Variants in OBI1 observed in about 807,000 individuals in gnomAD.
OBI1 encodes ORC ubiquitin ligase 1.
Under a neutral mutation model 62.4 loss-of-function variants are expected in OBI1, and 59 were observed. The observed-to-expected ratio is 0.95, with a 90% CI of 0.77 to 1.17. The LOEUF (loss-of-function observed/expected upper bound fraction) is 1.17. Among genes scored for constraint, OBI1 ranks in the 50% most tolerant of loss-of-function variants. The pLI, the probability that OBI1 is intolerant of heterozygous loss-of-function variation, is 0.00. For synonymous variants in OBI1, 302 were observed against 292.8 expected (o/e 1.03, Z -0.32); for missense variants, 875 against 830.9 (o/e 1.05, Z -0.65).
chr13:78,652,810 C>T (rs1358445110), intron 1 of OBI1, among the ~76,000 whole-genome samples: 1 of 152,108 alleles, frequency 6.6e-6, no homozygotes, highest in African/African-American at 2.4e-5. Flanking sequence ...TATCTCACTC[C>T]CTGCTCGCCT....
intron 5 of OBI1, among the ~76,000 whole-genome samples, chr13:78,628,104 A>C (rs937378482): frequency 2.0e-5 from 3 of 152,216 alleles, no homozygotes; most frequent in South Asian, 2.1e-4. Flanking sequence ...TGAAGACAAT[A>C]CTATAATATT....
At position 78,617,013 on chromosome 13, in the gene OBI1, G is replaced by C; in HGVS notation, c.748C>G (p.Leu250Val). 1 of 1,614,144 alleles carries C rather than the reference G, an allele frequency of 6.2e-7. No individual in the cohort carries two copies. ...TTTAGCTGTGCAACTTGAGATTCTA[G>C]TTCCTCTATATACTTATCACTTCGT... ...LERSDKYIEE[L>V]ESQVAQLKNS... The change falls in exon 6 of 6, where the codon CTA (leucine) becomes GTA (valine). Residue 250 changes from leucine (L) to valine (V), a missense_variant. By Grantham distance (32) the Leu-to-Val change is conservative. Coordinates refer to ENST00000282003, the MANE Select transcript of OBI1 (RefSeq NM_024546.4).
intron 1 of OBI1, among the ~76,000 whole-genome samples, chr13:78,651,719 ACT>A (rs1876549824): frequency 6.6e-6 from 1 of 152,078 alleles, no homozygotes. Context: ...TTGATAGGGC[ACT>A]CTCTGTTCAT....
At chr13:78,648,279 A>AACACACACACACACAC (rs3064402) in intron 1 of OBI1, among the ~76,000 whole-genome samples, 40 of 146,782 alleles carry the variant, frequency 2.7e-4, no homozygotes, top group African/African-American at 9.1e-4. Flanking sequence ...ACTTCCCCCA[A>AACACACACACACACAC]ACACACACAC....
At chr13:78,624,522 C>A (rs1413170739) in intron 5 of OBI1, among the ~76,000 whole-genome samples, 1 of 152,110 alleles carries the variant, frequency 6.6e-6, no homozygotes, top group Non-Finnish European at 1.5e-5. Context: ...GACTGGAGTA[C>A]AGTGGCATGA....
Position 78,615,787 on chromosome 13 carries a change from A to G in OBI1, c.1974T>C (p.Ser658=). ...TTTGATCTTCAAATAGTCGATGTGAACTGCTTAACAAAATGCCCTGGGAAA... is the reference window on the plus strand; with the variant it reads ...TTTGATCTTCAAATAGTCGATGTGAGCTGCTTAACAAAATGCCCTGGGAAA... The part of the protein sequence containing the change: ...TEFSQGILLS[S]SHRLFEDQRF... Residue 658 remains serine, a synonymous_variant, in exon 6 of 6, where the codon AGT becomes AGC. Coordinates refer to ENST00000282003, the MANE Select transcript of OBI1 (RefSeq NM_024546.4). 6.2e-7 allele frequency: 1 copy of G among 1,613,848 alleles called. No homozygotes were observed. Among genetic ancestry groups the G allele is most frequent in the Non-Finnish European group, 8.5e-7 (1 of 1,179,936 alleles).
At chr13:78,637,246 C>A (rs1876057892) in intron 4 of OBI1, among the ~76,000 whole-genome samples, 1 of 152,142 alleles carries the variant, frequency 6.6e-6, no homozygotes, top group African/African-American at 2.4e-5. Flanking sequence ...TGTTATTACT[C>A]CACACTTTAG....
At position 78,642,222 on chromosome 13, in the gene OBI1, A is replaced by G. The variant is rs753195106; in HGVS notation, c.209-9T>C. 1.2e-3 allele frequency: 507 copies of G among 417,172 alleles called. No homozygotes were observed. The highest frequency in any genetic ancestry group is 1.6e-3 in the Non-Finnish European group (467 of 291,428). The allele number at this position is 417,172 out of a possible 1,614,324, so 25.8% of individuals were successfully genotyped here. On this transcript the variant is annotated splice_polypyrimidine_tract_variant and intron_variant, in intron 2 of 5. Transcript: ENST00000282003. ...ACTTTCACTTGTTCCTCCTGTAGGG[A>G]AAAAAAAAAAAATCCTAATTTTTCA... is the stretch of plus-strand genomic sequence containing the variant.
At position 78,659,117 on chromosome 13, in the gene OBI1, C is replaced by G. The variant is rs758260793; in HGVS notation, c.4G>C (p.Ala2Pro). 8 of 1,610,950 alleles carry G rather than the reference C, an allele frequency of 5.0e-6. No homozygotes were observed. The highest frequency in any genetic ancestry group is 2.2e-5 in the South Asian group (2 of 90,672). M[A>P]QTVQNVTLSL... ...AATGTAACATTCTGCACGGTCTGAGCCATGGCAGCGTTCAGAATCCCGCCA... is the reference window on the plus strand; with the variant it reads ...AATGTAACATTCTGCACGGTCTGAGGCATGGCAGCGTTCAGAATCCCGCCA... Residue 2 changes from alanine to proline, a missense_variant, in exon 1 of 6, where the codon GCT (alanine) becomes CCT (proline). Coordinates refer to ENST00000282003, the MANE Select transcript of OBI1 (RefSeq NM_024546.4).
At chr13:78,625,043 C>T (rs1055613275) in intron 5 of OBI1, among the ~76,000 whole-genome samples, 15 of 152,176 alleles carry the variant, frequency 9.9e-5, no homozygotes, top group Non-Finnish European at 2.1e-4. Flanking sequence ...ACAAATATAT[C>T]TCATTTTGAT....
Position 78,614,454 on chromosome 13 carries a change from T to G in OBI1, c.*1126A>C, listed in dbSNP as rs1231366460. 1 of 152,638 alleles carries G rather than the reference T, an allele frequency of 6.6e-6. No homozygotes were observed. Among genetic ancestry groups the G allele is most frequent in the Non-Finnish European group, 1.5e-5 (1 of 68,046 alleles). 9.5% of individuals were successfully genotyped at this position (152,638 alleles called of 1,614,324 possible). A position where few individuals can be genotyped will look rare whatever the true frequency, so the allele number is the denominator to read the frequency against. ...CCAAATACGTTTAGAACAATACACT[T>G]TTTCAGAGCCTAAATTAAAAATTGT... On this transcript the variant is annotated 3_prime_UTR_variant, in exon 6 of 6. Transcript: ENST00000282003.
intron 2 of OBI1, 28 bp downstream of exon 2, chr13:78,644,834 C>A (rs1435862280): frequency 1.2e-6 from 2 of 1,605,256 alleles, no homozygotes; most frequent in South Asian, 1.1e-5. Context: ...CAAACCTATT[C>A]CTATGCATAT....
chr13:78,621,024 G>T (rs139031739), intron 5 of OBI1, among the ~76,000 whole-genome samples: 257 of 152,294 alleles, frequency 1.7e-3, no homozygotes, highest in Middle Eastern at 3.4e-3. Flanking sequence ...AGGAACAAGG[G>T]GGACATTGGG....
chr13:78,626,175 A>T (rs1041548262), intron 5 of OBI1, among the ~76,000 whole-genome samples: 6 of 152,234 alleles, frequency 3.9e-5, no homozygotes, highest in African/African-American at 1.4e-4. Context: ...AATCTCTGGC[A>T]TAACTTAAAG....
chr13:78,644,080 T>C (rs78381395), intron 2 of OBI1, among the ~76,000 whole-genome samples: 14,359 of 152,154 alleles, frequency 0.094, 763 homozygotes, highest in Middle Eastern at 0.18. Context: ...TAATGTGACA[T>C]AGAATTTGTT....
chr13:78,627,738 T>C (rs965421004), intron 5 of OBI1, among the ~76,000 whole-genome samples: 2 of 152,248 alleles, frequency 1.3e-5, no homozygotes, highest in African/African-American at 2.4e-5. Flanking sequence ...AATAAACATA[T>C]GCAAGCATGT....
rs1446166999 is a variant in OBI1 at position 78,616,748 on chromosome 13, C to A, written c.1013G>T (p.Cys338Phe). ...TTGATATAGGTCTTTGTTCTTAGAA[C>A]AGTTAAGGTCTGCTTTGCTGGTACT... is the stretch of plus-strand genomic sequence containing the variant. ...QESTSKADLN[C>F]SKNKDLYQEQ... is the part of the protein sequence containing the mutation. The change falls in exon 6 of 6, where the codon TGT becomes TTT. Residue 338 changes from cysteine to phenylalanine, a missense_variant. By Grantham distance (205) the Cys-to-Phe change is radical (BLOSUM62 -2). Transcript: ENST00000282003. 1 of 1,614,022 alleles carries A rather than the reference C, an allele frequency of 6.2e-7. No individual in the cohort carries two copies. The highest frequency in any genetic ancestry group is 8.5e-7 in the Non-Finnish European group (1 of 1,180,024).
chr13:78,640,114 C>G (rs1405448987), intron 3 of OBI1, among the ~76,000 whole-genome samples: 2 of 150,406 alleles, frequency 1.3e-5, no homozygotes, highest in Non-Finnish European at 3.0e-5. Context: ...CAAAAAAGAA[C>G]AAAAAAACAA....
Position 78,635,240 on chromosome 13 carries a change from A to G in OBI1, c.550-42T>C, listed in dbSNP as rs772755170. 8.2e-6 allele frequency: 10 copies of G among 1,223,314 alleles called. 1 individual carries two copies. In the African/African-American group the frequency reaches 1.2e-4, roughly 15 times the overall value. The allele number at this position is 1,223,314 out of a possible 1,614,324, so 75.8% of individuals were successfully genotyped here. On this transcript the variant is annotated intron_variant, in intron 4 of 5. Transcript: ENST00000282003. ...AAAATAAGTAAGCAAAAGCTACAAT[A>G]AAAGTGACTTGTAAAAATTACAACA... is the stretch of plus-strand genomic sequence containing the variant.
Sources: gnomAD v4.1 joint callset for allele counts (sites outside exome capture counted in the v4.1 genomes callset) on GRCh38, gnomAD v4.1.1 for gene constraint, MANE v1.5 for transcripts, NCBI Gene and HGNC (gene_info 2026-07-23, HGNC 2026-07-21) for gene names.